FARS2: variants seen among roughly 807,000 people sequenced by gnomAD.
FARS2 encodes the protein phenylalanyl-tRNA synthetase 2, mitochondrial.
In FARS2, 40 loss-of-function variants were observed where a neutral mutation model predicts 46.4. That is an observed-to-expected ratio of 0.86 (90% confidence interval 0.67 to 1.12). The LOEUF (loss-of-function observed/expected upper bound fraction) is 1.12. Among genes scored for constraint, FARS2 ranks in the 50% most tolerant of loss-of-function variants. The pLI, the probability that FARS2 is intolerant of heterozygous loss-of-function variation, is 0.00. For synonymous variants in FARS2, 234 were observed against 214.9 expected (o/e 1.09, Z -0.78); for missense variants, 513 against 567.9 (o/e 0.90, Z 0.98).
intron 6 of FARS2, among the ~76,000 whole-genome samples, chr6:5,737,148 A>G (rs1363283473): frequency 6.6e-6 from 1 of 152,214 alleles, no homozygotes; most frequent in African/African-American, 2.4e-5. Flanking sequence ...AGTAAAACTG[A>G]GCCTCGAAAA....
At chr6:5,645,040 C>T (rs1165079172) in intron 6 of FARS2, among the ~76,000 whole-genome samples, 3 of 152,344 alleles carry the variant, frequency 2.0e-5, no homozygotes, top group African/African-American at 7.2e-5. Flanking sequence ...CCTTATTAAA[C>T]ATCTTTGTGT....
intron 6 of FARS2, among the ~76,000 whole-genome samples, chr6:5,740,998 C>T (rs950721577): frequency 2.6e-5 from 4 of 152,190 alleles, no homozygotes; most frequent in Admixed American, 1.3e-4. Flanking sequence ...GACTGCCACA[C>T]TGTTCAAACA....
chr6:5,676,451 A>G (rs996539833), intron 6 of FARS2, among the ~76,000 whole-genome samples: 1 of 152,208 alleles, frequency 6.6e-6, no homozygotes, highest in Non-Finnish European at 1.5e-5. Context: ...TTTATTGCAC[A>G]TGCCTGTGGT....
At chr6:5,601,742 G>A (rs1774531822) in intron 5 of FARS2, among the ~76,000 whole-genome samples, 1 of 152,114 alleles carries the variant, frequency 6.6e-6, no homozygotes, top group Non-Finnish European at 1.5e-5. Flanking sequence ...GTTGTGCTGT[G>A]TGTTAATGAG....
At chr6:5,405,284 G>A (rs1465956872) in intron 3 of FARS2, among the ~76,000 whole-genome samples, 1 of 151,984 alleles carries the variant, frequency 6.6e-6, no homozygotes, top group East Asian at 1.9e-4. Flanking sequence ...AATGAGTTCA[G>A]GTACGAAATG....
At chr6:5,445,981 C>T (rs1424264097) in intron 4 of FARS2, among the ~76,000 whole-genome samples, 2 of 152,118 alleles carry the variant, frequency 1.3e-5, no homozygotes, top group Non-Finnish European at 2.9e-5. Context: ...AGGCAGATCA[C>T]GAGGTCAGGA....
intron 4 of FARS2, among the ~76,000 whole-genome samples, chr6:5,467,758 A>C (rs892072406): frequency 6.6e-6 from 1 of 152,124 alleles, no homozygotes; most frequent in African/African-American, 2.4e-5. Flanking sequence ...CTATCAGTAA[A>C]ATAAATGTGG....
Position 5,407,066 on chromosome 6 carries a change from T to TATATATATATATATATATATAA in FARS2, c.772+2366_772+2367insTATATATATATATATATATAAA, listed in dbSNP as rs70975905. Among the ~76,000 whole-genome samples the TATATATATATATATATATATAA allele has an allele frequency of 9.3e-3, 1,013 of 109,320 alleles. 52 individuals are homozygous for TATATATATATATATATATATAA. Among genetic ancestry groups the TATATATATATATATATATATAA allele is most frequent in the Non-Finnish European group, 0.01 (530 of 51,312 alleles). 71.7% of individuals were successfully genotyped at this position (109,320 alleles called of 152,430 possible). A position where few individuals can be genotyped will look rare whatever the true frequency, so the allele number is the denominator to read the frequency against. On this transcript the variant is annotated intron_variant, in intron 3 of 6. Coordinates refer to ENST00000274680, the MANE Select transcript of FARS2 (RefSeq NM_006567.5). ...AATTATATATATATATATATATATA[T>TATATATATATATATATATATAA]AATGACCAATAAATATATGAAAAGA...
rs558723532 is a variant in FARS2, at chr6:5,506,862, G to T, written c.905-38318G>T. 7.9e-5 allele frequency among the ~76,000 whole-genome samples: 12 copies of T among 152,334 alleles called. No homozygotes were observed. In the South Asian group the frequency reaches 2.5e-3, roughly 32 times the overall value. On this transcript the variant is annotated intron_variant, in intron 4 of 6. Coordinates refer to ENST00000274680, the MANE Select transcript of FARS2 (RefSeq NM_006567.5). ...ATCTGACTATAACAGTAAATCTTCA[G>T]TGTTGCTCTTGGCAATCCAGAGTTT...
At chr6:5,254,215 G>A in the FARS2 span, among the ~76,000 whole-genome samples, 43,520 of 151,982 alleles carry the variant, frequency 0.29, 7,842 homozygotes, top group African/African-American at 0.51. Flanking sequence ...CAAAACCAAC[G>A]CTTCACAAGT....
intron 4 of FARS2, among the ~76,000 whole-genome samples, chr6:5,502,858 C>G (rs1767881919): frequency 6.6e-6 from 1 of 152,200 alleles, no homozygotes; most frequent in African/African-American, 2.4e-5. Context: ...TCACAGCCAT[C>G]TCATCAGATA....
At chr6:5,582,289 T>C (rs1773382408) in intron 5 of FARS2, among the ~76,000 whole-genome samples, 1 of 151,682 alleles carries the variant, frequency 6.6e-6, no homozygotes, top group African/African-American at 2.4e-5. Flanking sequence ...GGTTAATTCC[T>C]GATGCGCTTC....
At position 5,383,100 on chromosome 6, in the gene FARS2, G is replaced by T. The variant is rs947926000; in HGVS notation, c.612+13918G>T. ...TTAATGAAATATCTGGGCACCCTGT[G>T]ACCCCGTCAAGTTGGCACATAAAAT... is the stretch of plus-strand genomic sequence containing the variant. On this transcript the variant is annotated intron_variant, in intron 2 of 6. Transcript: ENST00000274680. 7.9e-5 allele frequency among the ~76,000 whole-genome samples: 12 copies of T among 152,272 alleles called. 1 individual carries two copies. Among genetic ancestry groups the T allele is most frequent in the Admixed American group, 5.9e-4 (9 of 15,300 alleles).
At chr6:5,374,708 G>C (rs1759268389) in intron 2 of FARS2, among the ~76,000 whole-genome samples, 2 of 151,912 alleles carry the variant, frequency 1.3e-5, no homozygotes. Flanking sequence ...ATTATTAAAT[G>C]AAATATTTGA....
intron 6 of FARS2, among the ~76,000 whole-genome samples, chr6:5,643,030 G>A (rs973161051): frequency 1.3e-5 from 2 of 152,300 alleles, no homozygotes; most frequent in African/African-American, 4.8e-5. Context: ...TAAAGAGAAC[G>A]ACATTATGGG....
chr6:5,290,809 C>T (rs1400536622), intron 1 of FARS2, among the ~76,000 whole-genome samples: 1 of 152,220 alleles, frequency 6.6e-6, no homozygotes, highest in East Asian at 1.9e-4. Context: ...TAGCCTCCAC[C>T]TCCTTCCAGC....
chr6:5,259,908 GA>G (rs1337825575), upstream of FARS2, among the ~76,000 whole-genome samples: 2 of 152,150 alleles, frequency 1.3e-5, no homozygotes. Context: ...CTCTGAATTA[GA>G]AAAAACATAC....
At chr6:5,683,283 T>C (rs1779124921) in intron 6 of FARS2, among the ~76,000 whole-genome samples, 2 of 152,160 alleles carry the variant, frequency 1.3e-5, no homozygotes, top group Admixed American at 1.3e-4. Context: ...GGGCATGCTC[T>C]GTAGGGTGTG....
intron 4 of FARS2, among the ~76,000 whole-genome samples, chr6:5,458,315 G>A (rs1271429155): frequency 6.6e-6 from 1 of 152,224 alleles, no homozygotes; most frequent in Admixed American, 6.5e-5. Context: ...AACACCTGAG[G>A]CCCTTCCAGG....
Sources: gnomAD v4.1 joint callset for allele counts (sites outside exome capture counted in the v4.1 genomes callset) on GRCh38, gnomAD v4.1.1 for gene constraint, MANE v1.5 for transcripts, NCBI Gene and HGNC (gene_info 2026-07-23, HGNC 2026-07-21) for gene names.